Variants in PCDH15 observed in about 807,000 individuals in gnomAD.
The protein encoded by PCDH15 is protocadherin related 15, also known as protocadherin-15.
PCDH15 carries 129 observed loss-of-function variants against 178.5 expected under a neutral mutation model. That is an observed-to-expected ratio of 0.72 (90% CI 0.63 to 0.84). The LOEUF (loss-of-function observed/expected upper bound fraction) is 0.84. PCDH15 is among the 40% of genes least tolerant of loss of function. PCDH15 has a pLI of 0.00. For synonymous variants in PCDH15, 800 were observed against 732.0 expected (o/e 1.09, Z -1.50); for missense variants, 2,230 against 2,099.9 (o/e 1.06, Z -1.21).
At chr10:53,931,985 T>C (rs2085101848) in intron 25 of PCDH15, among the ~76,000 whole-genome samples, 1 of 152,162 alleles carries the variant, frequency 6.6e-6, no homozygotes. Flanking sequence ...ACCTTGGAGA[T>C]TATGGAGAAA....
rs141274652 is a variant in PCDH15 at position 54,068,912 on chromosome 10, G to A, written c.2092-2027C>T. ...ACACACAAACATACACATGTGTGTC[G>A]ATATATGTAAGTATGTTTAAAGAAA... On this transcript the variant is annotated intron_variant, in intron 17 of 37. Coordinates refer to ENST00000644397, the MANE Select transcript of PCDH15 (RefSeq NM_001384140.1). Among the ~76,000 whole-genome samples the A allele has an allele frequency of 4.1e-3, 623 of 152,184 alleles. 5 individuals carry two copies. Among genetic ancestry groups the A allele is most frequent in the African/African-American group, 0.014 (591 of 41,524 alleles).
At chr10:54,121,996 GACACATAC>G (rs1487360481) in intron 15 of PCDH15, among the ~76,000 whole-genome samples, 4 of 95,856 alleles carry the variant, frequency 4.2e-5, no homozygotes, top group African/African-American at 1.4e-4. Context: ...ACCGGGCAAA[GACACATAC>G]ACACACACAC....
intron 1 of PCDH15, among the ~76,000 whole-genome samples, chr10:54,756,557 C>T (rs1175646241): frequency 6.6e-6 from 1 of 152,140 alleles, no homozygotes; most frequent in Non-Finnish European, 1.5e-5. Flanking sequence ...TCACACAGAT[C>T]TTGGAAAAAT....
chr10:55,006,066 C>T (rs1289730914), intron 2 of PCDH15, among the ~76,000 whole-genome samples: 1 of 151,718 alleles, frequency 6.6e-6, no homozygotes, highest in African/African-American at 2.4e-5. Flanking sequence ...TTAACTTATC[C>T]ATCACCACAC....
chr10:54,238,703 AC>A (rs1230750742), intron 8 of PCDH15, among the ~76,000 whole-genome samples: 2 of 151,412 alleles, frequency 1.3e-5, no homozygotes, highest in African/African-American at 2.4e-5. Flanking sequence ...ACACACACAC[AC>A]ACACACACAC....
intron 29 of PCDH15, among the ~76,000 whole-genome samples, chr10:53,839,852 A>AC (rs1222324338): frequency 1.3e-5 from 2 of 152,190 alleles, no homozygotes; most frequent in Admixed American, 1.3e-4. Context: ...TGATTATCCC[A>AC]CCTGCTCTCC....
chr10:53,938,141 G>T (rs975970285), intron 25 of PCDH15, among the ~76,000 whole-genome samples: 7 of 151,980 alleles, frequency 4.6e-5, no homozygotes, highest in Non-Finnish European at 1.0e-4. Flanking sequence ...TCACAAATTG[G>T]CTTTTATATG....
chr10:55,538,112 A>C (rs1431084648), intron 2 of PCDH15, among the ~76,000 whole-genome samples: 1 of 152,174 alleles, frequency 6.6e-6, no homozygotes, highest in Non-Finnish European at 1.5e-5. Context: ...TGCACAGTTC[A>C]AGCCTTTTGA....
At chr10:54,431,250 C>G (rs1423245373) in intron 3 of PCDH15, among the ~76,000 whole-genome samples, 1 of 151,984 alleles carries the variant, frequency 6.6e-6, no homozygotes, top group Admixed American at 6.6e-5. Flanking sequence ...CTTCAAAACT[C>G]ATTCTATGAG....
intron 3 of PCDH15, among the ~76,000 whole-genome samples, chr10:54,406,011 T>C (rs1267498084): frequency 6.6e-6 from 1 of 152,152 alleles, no homozygotes; most frequent in African/African-American, 2.4e-5. Context: ...TCAAAGTTTA[T>C]CTACATTGGT....
intron 1 of PCDH15, among the ~76,000 whole-genome samples, chr10:54,687,959 A>C (rs558436634): frequency 6.6e-6 from 1 of 152,250 alleles, no homozygotes; most frequent in African/African-American, 2.4e-5. Context: ...GAGATCTGCC[A>C]AACAACATTA....
chr10:55,410,179 C>A (rs1041747608), intron 2 of PCDH15, among the ~76,000 whole-genome samples: 1 of 152,028 alleles, frequency 6.6e-6, no homozygotes, highest in African/African-American at 2.4e-5. Flanking sequence ...CCAAAAATTA[C>A]ATATCACATA....
At chr10:54,641,864 C>T (rs1332362300) in intron 2 of PCDH15, among the ~76,000 whole-genome samples, 1 of 151,858 alleles carries the variant, frequency 6.6e-6, no homozygotes, top group African/African-American at 2.4e-5. Flanking sequence ...CCTGCCCCCA[C>T]TGGTCCTGTT....
chr10:54,798,936 G>A lies in PCDH15; in HGVS notation c.-29+1989C>T, dbSNP rs116772901. ...GTATCTGCACATTTACAGAAAGGGG[G>A]AGTACACTCATCTACCCAATAAAGT... On this transcript the variant is annotated intron_variant, in intron 1 of 37. Coordinates refer to ENST00000644397, the MANE Select transcript of PCDH15 (RefSeq NM_001384140.1). Among the ~76,000 whole-genome samples, 875 of 152,138 alleles carry A rather than the reference G, an allele frequency of 5.8e-3. 7 individuals carry two copies. The highest frequency in any genetic ancestry group is 0.019 in the African/African-American group (777 of 41,520).
At chr10:54,965,931 G>A (rs1482545164) in intron 2 of PCDH15, among the ~76,000 whole-genome samples, 2 of 150,300 alleles carry the variant, frequency 1.3e-5, no homozygotes, top group Non-Finnish European at 3.0e-5. Flanking sequence ...TATTATATAT[G>A]CAGCACATAT....
chr10:53,994,127 C>G lies in PCDH15; in HGVS notation c.2868+1522G>C, dbSNP rs184644220. On this transcript the variant is annotated intron_variant, in intron 21 of 37. Transcript: ENST00000644397. ...TCTTCTTTATAGAACAGACAACAGACCAAGACAACTTTTCGCACCTTGGTG... is the reference window on the plus strand; with the variant it reads ...TCTTCTTTATAGAACAGACAACAGAGCAAGACAACTTTTCGCACCTTGGTG... Among the ~76,000 whole-genome samples, 1,264 of 152,250 alleles carry G rather than the reference C, an allele frequency of 8.3e-3. 9 individuals carry two copies. The highest frequency in any genetic ancestry group is 0.013 in the Admixed American group (204 of 15,292).
intron 23 of PCDH15, among the ~76,000 whole-genome samples, chr10:53,945,201 A>C (rs1316579017): frequency 6.6e-6 from 1 of 152,206 alleles, no homozygotes; most frequent in Non-Finnish European, 1.5e-5. Context: ...AATTAAGATA[A>C]AAATACTGGC....
intron 2 of PCDH15, among the ~76,000 whole-genome samples, chr10:54,572,382 G>A (rs1055344899): frequency 6.6e-6 from 1 of 151,970 alleles, no homozygotes; most frequent in Non-Finnish European, 1.5e-5. Context: ...ACTCCACCTT[G>A]AGTTTGCCTT....
At chr10:54,796,834 A>T (rs547121026) in intron 1 of PCDH15, among the ~76,000 whole-genome samples, 1 of 152,156 alleles carries the variant, frequency 6.6e-6, no homozygotes, top group African/African-American at 2.4e-5. Flanking sequence ...AAAACCTCTC[A>T]TCCAGTTTTA....
Sources: allele counts gnomAD v4.1 joint callset (sites outside exome capture counted in the v4.1 genomes callset), GRCh38; gene constraint gnomAD v4.1.1; transcripts MANE v1.5; gene names NCBI Gene and HGNC (gene_info 2026-07-23, HGNC 2026-07-21).